Variants in SRBD1 observed in about 807,000 individuals in gnomAD.
SRBD1 encodes S1 RNA-binding domain-containing protein 1.
In SRBD1, 88 loss-of-function variants were observed where a neutral mutation model predicts 115.3. The observed-to-expected ratio is 0.76, with a 90% CI of 0.64 to 0.91. The LOEUF (loss-of-function observed/expected upper bound fraction) is 0.91, where lower values mean the gene tolerates loss of function less well. SRBD1 is among the 40% of genes least tolerant of loss of function. SRBD1 has a pLI of 0.00. For synonymous variants in SRBD1, 509 were observed against 407.7 expected (o/e 1.25, Z -2.99); for missense variants, 1,385 against 1,177.4 (o/e 1.18, Z -2.58).
chr2:45,450,766 A>G (rs1301219429), intron 16 of SRBD1, among the ~76,000 whole-genome samples: 1 of 152,302 alleles, frequency 6.6e-6, no homozygotes, highest in Middle Eastern at 3.4e-3. Flanking sequence ...TAGCACTATT[A>G]AATTCAGATG....
intron 14 of SRBD1, among the ~76,000 whole-genome samples, chr2:45,506,426 A>T (rs1670799534): frequency 6.6e-6 from 1 of 152,174 alleles, no homozygotes; most frequent in African/African-American, 2.4e-5. Context: ...GCCAACAGAA[A>T]GGCCTTTGGA....
Position 45,389,158 on chromosome 2 carries a change from G to A in SRBD1, c.*152C>T. The A allele has an allele frequency of 1.1e-6, 1 of 930,268 alleles. No homozygotes were observed. Among genetic ancestry groups the A allele is most frequent in the Non-Finnish European group, 1.6e-6 (1 of 635,986 alleles). 57.6% of individuals were successfully genotyped at this position (930,268 alleles called of 1,614,324 possible). On this transcript the variant is annotated 3_prime_UTR_variant, in exon 21 of 21. Transcript: ENST00000263736. ...AAACTGTTGGTTTTCTATTTATTCA[G>A]AAGAAAAAATAAAGGAAAGTGTTTG...
intron 14 of SRBD1, among the ~76,000 whole-genome samples, chr2:45,529,551 AT>A (rs1170523870): frequency 6.6e-6 from 1 of 151,936 alleles, no homozygotes; most frequent in Non-Finnish European, 1.5e-5. Flanking sequence ...TAAAAATTTT[AT>A]TAAAATAGAA....
chr2:45,533,237 G>C (rs1427180750), intron 14 of SRBD1, among the ~76,000 whole-genome samples: 3 of 151,946 alleles, frequency 2.0e-5, no homozygotes, highest in African/African-American at 4.8e-5. Context: ...TGGAAAAAAA[G>C]AGCTAACACT....
At chr2:45,501,143 T>G (rs558304247) in intron 14 of SRBD1, among the ~76,000 whole-genome samples, 1 of 152,226 alleles carries the variant, frequency 6.6e-6, no homozygotes, top group African/African-American at 2.4e-5. Flanking sequence ...AATGATCATA[T>G]GGTTTTTGTC....
At chr2:45,600,001 T>C (rs914754205) in intron 3 of SRBD1, among the ~76,000 whole-genome samples, 166 bp from the exon 4 acceptor site, 2 of 152,192 alleles carry the variant, frequency 1.3e-5, no homozygotes, top group African/African-American at 4.8e-5. Context: ...CAAAGTTACA[T>C]ACTATATGAA....
intron 9 of SRBD1, among the ~76,000 whole-genome samples, chr2:45,571,809 G>A (rs1328378015): frequency 6.6e-6 from 1 of 151,782 alleles, no homozygotes; most frequent in Non-Finnish European, 1.5e-5. Flanking sequence ...CAACAAGCCT[G>A]AAGATAGGTC....
At chr2:45,598,118 G>A (rs1175816446) in intron 4 of SRBD1, among the ~76,000 whole-genome samples, 1 of 152,186 alleles carries the variant, frequency 6.6e-6, no homozygotes, top group Non-Finnish European at 1.5e-5. Flanking sequence ...ATCTGATGCA[G>A]GTAGTCCATG....
intron 9 of SRBD1, among the ~76,000 whole-genome samples, chr2:45,567,517 G>C (rs1424312840): frequency 6.6e-6 from 1 of 152,024 alleles, no homozygotes; most frequent in Non-Finnish European, 1.5e-5. Flanking sequence ...GCTGAAGTGG[G>C]AGAATGCCTT....
At chr2:45,471,270 A>G (rs373141078) in intron 16 of SRBD1, among the ~76,000 whole-genome samples, 3 of 152,154 alleles carry the variant, frequency 2.0e-5, no homozygotes, top group African/African-American at 7.2e-5. Flanking sequence ...TTTTTTCTTC[A>G]ATGTAAACAC....
intron 14 of SRBD1, among the ~76,000 whole-genome samples, chr2:45,490,918 G>A (rs1215061724): frequency 1.3e-5 from 2 of 152,126 alleles, no homozygotes; most frequent in African/African-American, 4.8e-5. Context: ...ACTTACTGAA[G>A]AGTATGTGTC....
chr2:45,559,617 G>T (rs184337590), intron 10 of SRBD1, among the ~76,000 whole-genome samples: 8 of 152,174 alleles, frequency 5.3e-5, no homozygotes, highest in Admixed American at 3.3e-4. Context: ...ACAGAAGAGG[G>T]TGAAGAAATA....
intron 7 of SRBD1, among the ~76,000 whole-genome samples, chr2:45,577,536 G>A (rs890445299): frequency 1.3e-5 from 2 of 152,018 alleles, no homozygotes; most frequent in African/African-American, 4.8e-5. Flanking sequence ...ACTTCCTCTT[G>A]GACACGAAAG....
chr2:45,414,344 C>G (rs1667696817), intron 18 of SRBD1, among the ~76,000 whole-genome samples: 1 of 151,884 alleles, frequency 6.6e-6, no homozygotes, highest in Admixed American at 6.6e-5. Flanking sequence ...AGAAACAGTG[C>G]AGAAACCACA....
At chr2:45,470,092 T>C (rs972331178) in intron 16 of SRBD1, among the ~76,000 whole-genome samples, 2 of 152,236 alleles carry the variant, frequency 1.3e-5, no homozygotes, top group East Asian at 1.9e-4. Context: ...TTTACTATGA[T>C]AATTAAGGAA....
At chr2:45,596,608 A>G (rs532560246) in intron 4 of SRBD1, among the ~76,000 whole-genome samples, 1 of 152,272 alleles carries the variant, frequency 6.6e-6, no homozygotes, top group East Asian at 1.9e-4. Flanking sequence ...TCCTATCCAT[A>G]AAGGATTTTT....
At chr2:45,498,372 G>C (rs1670524592) in intron 14 of SRBD1, among the ~76,000 whole-genome samples, 1 of 151,992 alleles carries the variant, frequency 6.6e-6, no homozygotes, top group Non-Finnish European at 1.5e-5. Flanking sequence ...ATGGTTTTCT[G>C]AAACAGAAAG....
At chr2:45,560,116 A>T (rs1483761180) in intron 10 of SRBD1, among the ~76,000 whole-genome samples, 1 of 151,986 alleles carries the variant, frequency 6.6e-6, no homozygotes, top group East Asian at 1.9e-4. Flanking sequence ...AAAAAGAAAA[A>T]CTTCCAAACC....
chr2:45,542,252 T>C (rs924830737), intron 14 of SRBD1, among the ~76,000 whole-genome samples: 1 of 152,222 alleles, frequency 6.6e-6, no homozygotes, highest in Non-Finnish European at 1.5e-5. Flanking sequence ...GTCGCAACAG[T>C]GCCTAGGCTC....
Sources: allele counts gnomAD v4.1 joint callset (sites outside exome capture counted in the v4.1 genomes callset), GRCh38; gene constraint gnomAD v4.1.1; transcripts MANE v1.5; gene names NCBI Gene and HGNC (gene_info 2026-07-23, HGNC 2026-07-21).